The following NXPE2 variants were observed in gnomAD, a reference collection of about 807,000 sequenced individuals.
NXPE2 encodes NXPE family member 2.
NXPE2 carries 34 observed loss-of-function variants against 34.4 expected under a neutral mutation model. The observed-to-expected ratio is 0.99, with a 90% CI of 0.75 to 1.31. The LOEUF is 1.31. Ranked by LOEUF, NXPE2 falls within the 40% of genes most tolerant of loss-of-function variation. NXPE2 has a pLI of 0.00. For synonymous variants in NXPE2, 235 were observed against 231.3 expected, an observed-to-expected ratio of 1.02 and a Z score of -0.15; for missense variants, 649 against 672.5, an observed-to-expected ratio of 0.97 and a Z score of 0.39.
the NXPE2 span, among the ~76,000 whole-genome samples, chr11:114,465,115 C>G: frequency 2.0e-5 from 3 of 152,242 alleles, no homozygotes; most frequent in East Asian, 5.8e-4. Flanking sequence ...CGGAGACTCA[C>G]GTGACATTAC....
the NXPE2 span, among the ~76,000 whole-genome samples, chr11:114,638,519 C>G: frequency 6.6e-6 from 1 of 152,008 alleles, no homozygotes; most frequent in African/African-American, 2.4e-5. Flanking sequence ...GAACTGTGTT[C>G]CTTTCGAGGA....
At chr11:114,779,340 C>T in the NXPE2 span, among the ~76,000 whole-genome samples, 56 of 125,272 alleles carry the variant, frequency 4.5e-4, no homozygotes, top group East Asian at 0.011. Context: ...CCTGCTGGGG[C>T]CCTGGCCTGG....
chr11:114,642,175 G>A, the NXPE2 span, among the ~76,000 whole-genome samples: 1 of 151,974 alleles, frequency 6.6e-6, no homozygotes, highest in Non-Finnish European at 1.5e-5. Flanking sequence ...CCCTTGATAT[G>A]ATGTGATGAA....
chr11:114,709,262 T>A (rs1009432574), downstream of NXPE2, among the ~76,000 whole-genome samples: 1 of 152,264 alleles, frequency 6.6e-6, no homozygotes, highest in Non-Finnish European at 1.5e-5. Flanking sequence ...AAGTATTTTT[T>A]AATGTTTTGT....
the NXPE2 span, among the ~76,000 whole-genome samples, chr11:114,781,074 G>A: frequency 3.9e-5 from 6 of 152,174 alleles, no homozygotes; most frequent in African/African-American, 1.4e-4. Flanking sequence ...CTATATTTTA[G>A]AGAAATAATT....
At chr11:114,563,069 C>T in the NXPE2 span, among the ~76,000 whole-genome samples, 1 of 151,872 alleles carries the variant, frequency 6.6e-6, no homozygotes, top group African/African-American at 2.4e-5. Context: ...CCAGTAGGCA[C>T]CAAAAATAGG....
At chr11:114,583,070 C>A in the NXPE2 span, 9 of 1,545,782 alleles carry the variant, frequency 5.8e-6, no homozygotes, top group Non-Finnish European at 7.8e-6. Context: ...TAGAGCATAT[C>A]TGAACTGAAA....
chr11:114,654,939 A>G, the NXPE2 span, among the ~76,000 whole-genome samples: 19 of 152,314 alleles, frequency 1.2e-4, no homozygotes, highest in Non-Finnish European at 2.4e-4. Context: ...TCCCACCAAC[A>G]GTGTAAAAGC....
chr11:114,640,053 A>G, the NXPE2 span, among the ~76,000 whole-genome samples: 7 of 118,808 alleles, frequency 5.9e-5, no homozygotes, highest in African/African-American at 2.1e-4. Flanking sequence ...TTTATAATAT[A>G]TAATTTATTT....
the NXPE2 span, among the ~76,000 whole-genome samples, chr11:114,514,434 G>T: frequency 2.0e-5 from 3 of 151,946 alleles, no homozygotes; most frequent in Non-Finnish European, 4.4e-5. Context: ...CTATTGCCCA[G>T]GCTGGAGTGC....
chr11:114,467,885 G>C, the NXPE2 span, among the ~76,000 whole-genome samples: 1 of 152,136 alleles, frequency 6.6e-6, no homozygotes, highest in Admixed American at 6.5e-5. Context: ...GCAGTGAGCC[G>C]AGATTGTGTC....
intron 2 of NXPE2, among the ~76,000 whole-genome samples, chr11:114,680,908 C>T (rs1225522743): frequency 6.6e-6 from 1 of 152,116 alleles, no homozygotes; most frequent in Admixed American, 6.6e-5. Context: ...AAAAAACACA[C>T]ACACCAAATT....
At chr11:114,529,677 A>C in the NXPE2 span, 1 of 159,194 alleles carries the variant, frequency 6.3e-6, no homozygotes, top group Non-Finnish European at 1.4e-5. Flanking sequence ...AACCAGTAGG[A>C]ATTGGCTTTT....
At chr11:114,710,006 T>C (rs2366581), downstream of NXPE2, among the ~76,000 whole-genome samples, 80,364 of 151,726 alleles carry the variant, frequency 0.53, 21,428 homozygotes, top group Non-Finnish European at 0.56. Context: ...AGCCTATGGG[T>C]CAAAGAAGAA....
Position 114,706,768 on chromosome 11 carries a change from T to A in NXPE2, c.1518T>A (p.His506Gln), listed in dbSNP as rs1390313304. 1.3e-6 allele frequency: 2 copies of A among 1,552,434 alleles called. No individual in the cohort carries two copies. Among genetic ancestry groups the A allele is most frequent in the African/African-American group, 1.4e-5 (1 of 73,192 alleles). Residue 506 changes from histidine (H) to glutamine (Q), a missense_variant, in exon 6 of 6, where the codon CAT becomes CAA. Transcript: ENST00000389586. ...EQNAEMFSDF[H>Q]GYIQNLIIRD... ...ATGCAGAGATGTTCAGTGACTTTCATGGCTATATTCAGAATCTTATCATAA... is the reference window on the plus strand; with the variant it reads ...ATGCAGAGATGTTCAGTGACTTTCAAGGCTATATTCAGAATCTTATCATAA...
the NXPE2 span, among the ~76,000 whole-genome samples, chr11:114,731,984 G>A: frequency 3.3e-5 from 5 of 152,092 alleles, no homozygotes; most frequent in Admixed American, 6.6e-5. Flanking sequence ...TGTAACTCTC[G>A]TCTTGGGATT....
chr11:114,758,200 G>A, the NXPE2 span, among the ~76,000 whole-genome samples: 15 of 152,148 alleles, frequency 9.9e-5, no homozygotes, highest in Non-Finnish European at 1.8e-4. Flanking sequence ...TTTCCTAGGT[G>A]AATTTCACTG....
chr11:114,781,705 G>A, the NXPE2 span, among the ~76,000 whole-genome samples: 1 of 152,152 alleles, frequency 6.6e-6, no homozygotes, highest in Non-Finnish European at 1.5e-5. Context: ...TCTGGGTAGT[G>A]GAAGTCTGTA....
chr11:114,580,592 C>T, the NXPE2 span, among the ~76,000 whole-genome samples: 3 of 151,936 alleles, frequency 2.0e-5, no homozygotes, highest in African/African-American at 7.3e-5. Context: ...AAAAAAATGG[C>T]TTTCTGGAGG....
Sources: gnomAD v4.1 joint callset for allele counts (sites outside exome capture counted in the v4.1 genomes callset) on GRCh38, gnomAD v4.1.1 for gene constraint, MANE v1.5 for transcripts, NCBI Gene and HGNC (gene_info 2026-07-23, HGNC 2026-07-21) for gene names.